The following ULK2 variants were observed in gnomAD, a reference collection of about 807,000 sequenced individuals.
ULK2 encodes serine/threonine-protein kinase ULK2.
ULK2 carries 76 observed loss-of-function variants against 127.5 expected under a neutral mutation model. The ratio of observed to expected loss-of-function variants is 0.60; its 90% CI spans 0.50 to 0.72. The LOEUF (loss-of-function observed/expected upper bound fraction) is 0.72. ULK2 is among the 30% of genes least tolerant of loss of function. The probability of loss-of-function intolerance (pLI) is 0.00; values close to 1 mark genes in which losing one functional copy is unlikely to be tolerated. For missense variants in ULK2, 1,144 were observed against 1,295.9 expected, an observed-to-expected ratio of 0.88 and a Z score of 1.80; for synonymous variants, 452 against 461.9, an observed-to-expected ratio of 0.98 and a Z score of 0.28.
intron 5 of ULK2, among the ~76,000 whole-genome samples, chr17:19,847,837 G>A (rs1023315359): frequency 6.6e-6 from 1 of 151,990 alleles, no homozygotes; most frequent in Non-Finnish European, 1.5e-5. Context: ...GAGAGACATC[G>A]TGACCAGCCT....
intron 12 of ULK2, among the ~76,000 whole-genome samples, chr17:19,821,105 G>C (rs757456960): frequency 1.3e-5 from 2 of 152,144 alleles, no homozygotes; most frequent in Non-Finnish European, 2.9e-5. Context: ...TCAGGAGTTC[G>C]AGACCAGCCT....
chr17:19,796,308 T>C lies in ULK2; in HGVS notation c.1810-26A>G, dbSNP rs764316154. 5.1e-6 allele frequency: 8 copies of C among 1,568,190 alleles called. No homozygotes were observed. In the Admixed American group the frequency reaches 1.3e-4, roughly 26 times the overall value. ...CTAAAGAGACATATATATATATATA[T>C]ATGTAAACTAGTTAATACGATGCAT... On this transcript the variant is annotated intron_variant, in intron 18 of 26. Transcript: ENST00000395544.
chr17:19,818,621 T>C (rs2041054050), intron 12 of ULK2, among the ~76,000 whole-genome samples: 1 of 152,058 alleles, frequency 6.6e-6, no homozygotes, highest in African/African-American at 2.4e-5. Context: ...CTGCATTCCA[T>C]GCTCCTCTAT....
chr17:19,849,015 T>G (rs1252696986), intron 5 of ULK2, among the ~76,000 whole-genome samples: 1 of 152,156 alleles, frequency 6.6e-6, no homozygotes, highest in African/African-American at 2.4e-5. Context: ...TTTTCCACTA[T>G]AATTTTTTAA....
chr17:19,806,498 C>A (rs2087518772), intron 14 of ULK2, among the ~76,000 whole-genome samples: 1 of 152,180 alleles, frequency 6.6e-6, no homozygotes, highest in African/African-American at 2.4e-5. Context: ...CTCCCCCTAC[C>A]AGCATGAGGA....
chr17:19,783,406 T>C (rs2086961598), intron 22 of ULK2, among the ~76,000 whole-genome samples: 1 of 151,572 alleles, frequency 6.6e-6, no homozygotes, highest in South Asian at 2.1e-4. Context: ...GAGCCGAGAT[T>C]GCACCACTGC....
At chr17:19,839,870 G>T (rs1305217206) in intron 9 of ULK2, among the ~76,000 whole-genome samples, 1 of 152,036 alleles carries the variant, frequency 6.6e-6, no homozygotes, top group Non-Finnish European at 1.5e-5. Flanking sequence ...CACTGGGACA[G>T]CCTATTTGGA....
chr17:19,853,563 C>T (rs1051464401), intron 3 of ULK2, among the ~76,000 whole-genome samples: 1 of 150,174 alleles, frequency 6.7e-6, no homozygotes, highest in African/African-American at 2.5e-5. Context: ...TCCTACAATT[C>T]GGCCCCACCT....
intron 9 of ULK2, among the ~76,000 whole-genome samples, chr17:19,839,157 C>G (rs1399731989): frequency 6.6e-6 from 1 of 152,108 alleles, no homozygotes. Flanking sequence ...CTCAAAAGCC[C>G]AATGTTGACT....
intron 10 of ULK2, among the ~76,000 whole-genome samples, chr17:19,835,144 T>C (rs1488750160): frequency 6.8e-6 from 1 of 148,136 alleles, no homozygotes; most frequent in African/African-American, 2.5e-5. Context: ...GGTTTTTTGG[T>C]TTTTGTTTCT....
chr17:19,850,593 G>A (rs940003914), intron 3 of ULK2, among the ~76,000 whole-genome samples: 19 of 152,152 alleles, frequency 1.2e-4, no homozygotes, highest in African/African-American at 3.6e-4. Flanking sequence ...TTGGGAGGCC[G>A]AGGCAGGCGG....
chr17:19,808,415 C>T (rs1567691768), intron 14 of ULK2, among the ~76,000 whole-genome samples: 1 of 151,978 alleles, frequency 6.6e-6, no homozygotes, highest in South Asian at 2.1e-4. Context: ...GGCAACAAAA[C>T]AAAAAATACA....
At chr17:19,828,275 G>A (rs536831400) in intron 10 of ULK2, among the ~76,000 whole-genome samples, 1 of 152,238 alleles carries the variant, frequency 6.6e-6, no homozygotes, top group African/African-American at 2.4e-5. Flanking sequence ...AGTACTTCAG[G>A]TTGAAATGAA....
intron 6 of ULK2, among the ~76,000 whole-genome samples, chr17:19,845,960 CA>C (rs1368594970): frequency 5.3e-5 from 8 of 150,772 alleles, no homozygotes; most frequent in Admixed American, 6.6e-5. Context: ...AAAAAAAATA[CA>C]AAAAAAATTA....
In ULK2 at chr17:19,772,985, A is replaced by C. The variant is rs2086757340; in HGVS notation, c.*3364T>G. 1 of 147,698 alleles carries C rather than the reference A, an allele frequency of 6.8e-6. No homozygotes were observed. Among genetic ancestry groups the C allele is most frequent in the African/African-American group, 2.6e-5 (1 of 39,096 alleles). 9.1% of individuals were successfully genotyped at this position (147,698 alleles called of 1,614,324 possible). ...AGAGCAAGACTGTCTCAAAAAAAAA[A>C]ACCAAAAAACAAAAACATTAAGGAT... On this transcript the variant is annotated 3_prime_UTR_variant, in exon 27 of 27. Transcript: ENST00000395544.
intron 3 of ULK2, among the ~76,000 whole-genome samples, chr17:19,850,889 A>C (rs2041999507): frequency 6.6e-6 from 1 of 152,044 alleles, no homozygotes; most frequent in Non-Finnish European, 1.5e-5. Flanking sequence ...CTAGATATAT[A>C]GCTTTTGGGC....
intron 25 of ULK2, among the ~76,000 whole-genome samples, chr17:19,778,364 A>T (rs1448207956): frequency 1.3e-5 from 2 of 152,222 alleles, no homozygotes; most frequent in Non-Finnish European, 1.5e-5. Context: ...CGGAAGGAGA[A>T]GATGATTAGG....
At chr17:19,863,807 CAGAAA>C (rs2042295107) in intron 3 of ULK2, among the ~76,000 whole-genome samples, 1 of 152,100 alleles carries the variant, frequency 6.6e-6, no homozygotes, top group Non-Finnish European at 1.5e-5. Flanking sequence ...TTTGACTATA[CAGAAA>C]TTTTGCCTTA....
rs900750507 is a variant in ULK2, at chr17:19,774,646, C to G, written c.*1703G>C. The G allele has an allele frequency of 3.9e-5, 6 of 152,190 alleles. No individual in the cohort carries two copies. The highest frequency in any genetic ancestry group is 7.3e-5 in the Non-Finnish European group (5 of 68,044). 9.4% of individuals were successfully genotyped at this position (152,190 alleles called of 1,614,324 possible). ...CATGACAGTAGCCAAGATCTAAATC[C>G]TGGGGCAGGACAAAGGATATTCATG... On this transcript the variant is annotated 3_prime_UTR_variant, in exon 27 of 27. Coordinates refer to ENST00000395544, the MANE Select transcript of ULK2 (RefSeq NM_014683.4).
Sources: allele counts gnomAD v4.1 joint callset (sites outside exome capture counted in the v4.1 genomes callset), GRCh38; gene constraint gnomAD v4.1.1; transcripts MANE v1.5; gene names NCBI Gene and HGNC (gene_info 2026-07-23, HGNC 2026-07-21).